IL1RAPL1: variants seen among roughly 807,000 people sequenced by gnomAD.
IL1RAPL1 encodes interleukin 1 receptor accessory protein like 1, also known as interleukin-1 receptor accessory protein-like 1.
In IL1RAPL1, 3 loss-of-function variants were observed where a neutral mutation model predicts 48.4. The ratio of observed to expected loss-of-function variants is 0.06; its 90% confidence interval spans 0.03 to 0.16. The LOEUF (loss-of-function observed/expected upper bound fraction) is 0.16. Among genes scored for constraint, IL1RAPL1 ranks in the 10% least tolerant of loss-of-function variants. The probability of loss-of-function intolerance (pLI) is 1.00; values close to 1 mark genes in which losing one functional copy is unlikely to be tolerated. For missense variants in IL1RAPL1, 349 were observed against 530.6 expected, an observed-to-expected ratio of 0.66 and a Z score of 3.36; for synonymous variants, 185 against 187.7, an observed-to-expected ratio of 0.99 and a Z score of 0.12.
In IL1RAPL1 at chrX:29,955,589, T is replaced by C; in HGVS notation, c.1860T>C (p.Arg620=). Residue 620 remains arginine (R), a synonymous_variant, in exon 11 of 11, where the codon CGT becomes CGC. Coordinates refer to ENST00000378993, the MANE Select transcript of IL1RAPL1 (RefSeq NM_014271.4). ...TFHNTYHSQM[R]QKHYYRSYEY... ...ACAACACGTACCATTCACAAATGCG[T>C]CAGAAACACTACTACCGAAGCTATG... is the stretch of plus-strand genomic sequence containing the variant. The C allele has an allele frequency of 8.3e-7, 1 of 1,205,732 alleles. No homozygotes were observed. Among genetic ancestry groups the C allele is most frequent in the Non-Finnish European group, 1.1e-6 (1 of 891,793 alleles).
intron 2 of IL1RAPL1, among the ~76,000 whole-genome samples, chrX:28,820,541 G>A (rs1373881881): frequency 9.0e-6 from 1 of 111,520 alleles, no homozygotes; most frequent in African/African-American, 3.3e-5. Flanking sequence ...ATTATATCAT[G>A]GGATTAATAC....
At chrX:28,671,610 G>T (rs1323796264) in intron 1 of IL1RAPL1, among the ~76,000 whole-genome samples, 1 of 112,158 alleles carries the variant, frequency 8.9e-6, no homozygotes, top group East Asian at 2.8e-4. Flanking sequence ...GGTTAGCAAA[G>T]AAATTTATTT....
intron 2 of IL1RAPL1, among the ~76,000 whole-genome samples, chrX:29,209,148 A>G (rs1005757838): frequency 1.8e-5 from 2 of 111,984 alleles, no homozygotes; most frequent in Non-Finnish European, 3.8e-5. Flanking sequence ...GTGGGTCAAG[A>G]GAACCATGAT....
chrX:29,508,234 C>G (rs1471470056), intron 5 of IL1RAPL1, among the ~76,000 whole-genome samples: 1 of 111,303 alleles, frequency 9.0e-6, no homozygotes, highest in Non-Finnish European at 1.9e-5. Context: ...GATCCCAGCT[C>G]AAATACACTT....
intron 5 of IL1RAPL1, among the ~76,000 whole-genome samples, chrX:29,412,506 AT>A (rs968093006): frequency 4.5e-5 from 5 of 112,266 alleles, no homozygotes; most frequent in Non-Finnish European, 9.4e-5. Flanking sequence ...CTCTTTAGTA[AT>A]TTTTTTATAT....
chrX:29,930,151 T>C (rs187649498), intron 8 of IL1RAPL1, among the ~76,000 whole-genome samples: 198 of 112,309 alleles, frequency 1.8e-3, no homozygotes, highest in Non-Finnish European at 3.2e-3. Context: ...AATCAGATGA[T>C]TGACTCCACG....
intron 2 of IL1RAPL1, among the ~76,000 whole-genome samples, chrX:28,996,566 A>G (rs1366957608): frequency 9.0e-6 from 1 of 111,543 alleles, no homozygotes; most frequent in African/African-American, 3.3e-5. Context: ...CATTCCAAAC[A>G]GCAGTGTATT....
At chrX:29,517,670 C>T (rs1359195813) in intron 5 of IL1RAPL1, among the ~76,000 whole-genome samples, 2 of 112,167 alleles carry the variant, frequency 1.8e-5, no homozygotes, top group African/African-American at 6.5e-5. Context: ...ATAACACACT[C>T]AGTGTGATTT....
intron 5 of IL1RAPL1, among the ~76,000 whole-genome samples, chrX:29,479,800 A>G (rs770480456): frequency 9.0e-6 from 1 of 111,421 alleles, no homozygotes; most frequent in South Asian, 3.8e-4. Flanking sequence ...TACATCACTT[A>G]GAATAATGGC....
At chrX:28,894,440 T>G (rs5943572) in intron 2 of IL1RAPL1, among the ~76,000 whole-genome samples, 45,994 of 109,661 alleles carry the variant, frequency 0.42, 6,974 homozygotes, top group Middle Eastern at 0.57. Context: ...ATGTCAGGTG[T>G]ATCAGAGAGA....
intron 6 of IL1RAPL1, among the ~76,000 whole-genome samples, chrX:29,864,439 CAT>C (rs959328388): frequency 2.7e-5 from 3 of 111,825 alleles, no homozygotes; most frequent in African/African-American, 9.8e-5. Context: ...TGCTATTTCA[CAT>C]AGTGTTCTTA....
At chrX:29,181,969 T>A (rs1018755500) in intron 2 of IL1RAPL1, among the ~76,000 whole-genome samples, 1 of 111,571 alleles carries the variant, frequency 9.0e-6, no homozygotes, top group Non-Finnish European at 1.9e-5. Context: ...CTAAAGCCCA[T>A]GGAATCTCCA....
intron 3 of IL1RAPL1, among the ~76,000 whole-genome samples, chrX:29,284,293 A>G (rs1455239215): frequency 1.8e-5 from 2 of 112,387 alleles, no homozygotes; most frequent in Non-Finnish European, 3.7e-5. Context: ...CGGGTGTGCT[A>G]GGACATTGAA....
intron 3 of IL1RAPL1, among the ~76,000 whole-genome samples, chrX:29,366,047 C>CAAAAA (rs763962865): frequency 4.0e-5 from 3 of 75,637 alleles, no homozygotes; most frequent in East Asian, 4.6e-4. Context: ...GACTGTGTCT[C>CAAAAA]AAAAAAAAAA....
At chrX:28,906,828 A>G (rs1923230025) in intron 2 of IL1RAPL1, among the ~76,000 whole-genome samples, 1 of 112,106 alleles carries the variant, frequency 8.9e-6, no homozygotes, top group South Asian at 3.6e-4. Flanking sequence ...CTAAGTCTAC[A>G]ACGTAAGTCT....
chrX:29,777,927 C>G (rs1205311840), intron 6 of IL1RAPL1, among the ~76,000 whole-genome samples: 4 of 105,803 alleles, frequency 3.8e-5, no homozygotes, highest in Non-Finnish European at 7.6e-5. Flanking sequence ...ATAAATTAAT[C>G]TTGTTTTCAT....
intron 2 of IL1RAPL1, among the ~76,000 whole-genome samples, chrX:29,100,516 A>G (rs993712153): frequency 9.0e-6 from 1 of 111,020 alleles, no homozygotes; most frequent in Non-Finnish European, 1.9e-5. Context: ...ATGAAAGTCT[A>G]CTCCTGTGGT....
intron 3 of IL1RAPL1, among the ~76,000 whole-genome samples, chrX:29,349,212 G>C (rs1382675565): frequency 8.9e-6 from 1 of 112,391 alleles, no homozygotes; most frequent in Non-Finnish European, 1.9e-5. Context: ...AGGCCCATCT[G>C]TCTAGATTCT....
At chrX:29,262,136 G>A (rs7881492) in intron 2 of IL1RAPL1, among the ~76,000 whole-genome samples, 10,876 of 111,150 alleles carry the variant, frequency 0.098, 1,319 homozygotes, top group African/African-American at 0.34. Context: ...AATACCTACC[G>A]TGAATAAACC....
Sources: allele counts gnomAD v4.1 joint callset (sites outside exome capture counted in the v4.1 genomes callset), GRCh38; gene constraint gnomAD v4.1.1; transcripts MANE v1.5; gene names NCBI Gene and HGNC (gene_info 2026-07-23, HGNC 2026-07-21).